GPR108: variants seen among roughly 807,000 people sequenced by gnomAD.
GPR108 encodes the protein G protein-coupled receptor 108.
Under a neutral mutation model 74.3 loss-of-function variants are expected in GPR108, and 60 were observed. The ratio of observed to expected loss-of-function variants is 0.81; its 90% CI spans 0.66 to 1.00. The LOEUF is 1.00. GPR108 is among the 50% of genes least tolerant of loss of function. The pLI, the probability that GPR108 is intolerant of heterozygous loss-of-function variation, is 0.00. For missense variants in GPR108, 667 were observed against 703.3 expected (o/e 0.95, Z 0.58); for synonymous variants, 311 against 292.4 (o/e 1.06, Z -0.65).
chr19:6,732,952 C>A, intron 10 of GPR108, 35 bp downstream of exon 10: 1 of 1,545,704 alleles, frequency 6.5e-7, no homozygotes, highest in Non-Finnish European at 8.7e-7. Context: ...GCCTTTCAGC[C>A]CACCCCCCGC....
chr19:6,730,476 C>T (rs1968345902), intron 17 of GPR108, 92 bp from the exon 18 acceptor site: 1 of 1,053,344 alleles, frequency 9.5e-7, no homozygotes, highest in Non-Finnish European at 1.5e-6. Context: ...CCCCACTCCC[C>T]CCAACCACAG....
Position 6,735,973 on chromosome 19 carries a change from A to G in GPR108, c.241-15T>C. 6.2e-7 allele frequency: 1 copy of G among 1,601,560 alleles called. No individual in the cohort carries two copies. Among genetic ancestry groups the G allele is most frequent in the Non-Finnish European group, 8.5e-7 (1 of 1,172,930 alleles). ...CTGAACCCCACCTGGTGGGTGGAAAAAAAAAGGGGAGGGTGTGAGGGACAG... is the reference window on the plus strand; with the variant it reads ...CTGAACCCCACCTGGTGGGTGGAAAGAAAAAGGGGAGGGTGTGAGGGACAG... On this transcript the variant is annotated splice_polypyrimidine_tract_variant and intron_variant, in intron 2 of 17. Coordinates refer to ENST00000264080, the MANE Select transcript of GPR108 (RefSeq NM_001080452.2).
chr19:6,733,567 C>T lies in GPR108; in HGVS notation c.723+3G>A. 1 of 1,613,682 alleles carries T rather than the reference C, an allele frequency of 6.2e-7. No homozygotes were observed. Among genetic ancestry groups the T allele is most frequent in the Non-Finnish European group, 8.5e-7 (1 of 1,179,572 alleles). ...TGGCCCTGCTGCCCTCCACTCCGCT[C>T]ACCGTGATGTCGAATGGATGCTCCT... On this transcript the variant is annotated splice_donor_region_variant and intron_variant, in intron 8 of 17. Transcript: ENST00000264080.
intron 10 of GPR108, 147 bp from the exon 11 acceptor site, chr19:6,732,696 T>C: frequency 1.4e-6 from 1 of 709,978 alleles, no homozygotes; most frequent in East Asian, 2.7e-5. Flanking sequence ...GACTCAAAAC[T>C]GGTAATCGGG....
chr19:6,730,746 G>A (rs1376714811), intron 17 of GPR108, among the ~76,000 whole-genome samples: 2 of 148,228 alleles, frequency 1.3e-5, no homozygotes, highest in Non-Finnish European at 3.0e-5. Context: ...CTCCCTAGCG[G>A]CCCTAACCCC....
intron 8 of GPR108, 103 bp downstream of exon 8, chr19:6,733,467 G>A (rs1016762610): frequency 1.0e-5 from 14 of 1,357,980 alleles, no homozygotes; most frequent in Admixed American, 7.2e-5. Flanking sequence ...CTCCTACTTC[G>A]CACCCGGGAG....
At chr19:6,730,474 C>T in intron 17 of GPR108, 90 bp from the exon 18 acceptor site, 1 of 1,055,350 alleles carries the variant, frequency 9.5e-7, no homozygotes, top group Non-Finnish European at 1.5e-6. Flanking sequence ...CGCCCCACTC[C>T]CCCCAACCAC....
At chr19:6,730,722 G>T (rs887257164) in intron 17 of GPR108, among the ~76,000 whole-genome samples, 91 of 117,074 alleles carry the variant, frequency 7.8e-4, no homozygotes, top group Non-Finnish European at 1.3e-3. Context: ...CGCCCCCAGA[G>T]CGGCCCTGGG....
intron 6 of GPR108, 40 bp downstream of exon 6, chr19:6,733,961 GCCCT>G: frequency 6.2e-7 from 1 of 1,614,080 alleles, no homozygotes; most frequent in Non-Finnish European, 8.5e-7. Flanking sequence ...TCCCCGCAGG[GCCCT>G]GGGGTGTGCA....
At position 6,735,922 on chromosome 19, in the gene GPR108, C is replaced by T. The variant is rs1280283284; in HGVS notation, c.277G>A (p.Val93Ile). The T allele has an allele frequency of 6.2e-7, 1 of 1,611,954 alleles. No individual in the cohort carries two copies. Among genetic ancestry groups the T allele is most frequent in the Non-Finnish European group, 8.5e-7 (1 of 1,178,916 alleles). ...CCTCCACTCACTGAATAGGAGCGAA[C>T]TCTGCCAGACCGAACCCGGCTGAGA... is the stretch of plus-strand genomic sequence containing the variant. ...FSLSRVRSGR[V>I]RSYSTRDFQD... is the part of the protein sequence containing the mutation. Residue 93 changes from valine to isoleucine, a missense_variant, in exon 3 of 18, where the codon GTT (valine) becomes ATT (isoleucine). Val to Ile is a conservative substitution (Grantham distance 29). Transcript: ENST00000264080.
chr19:6,731,504 T>A lies in GPR108; in HGVS notation c.1319A>T (p.Lys440Met). The A allele has an allele frequency of 1.4e-6, 2 of 1,413,408 alleles. No homozygotes were observed. The highest frequency in any genetic ancestry group is 1.9e-6 in the Non-Finnish European group (2 of 1,066,830). 87.6% of individuals were successfully genotyped at this position (1,413,408 alleles called of 1,614,324 possible). The change falls in exon 15 of 18, where the codon AAG becomes ATG. Residue 440 changes from lysine (K) to methionine (M), a missense_variant. Coordinates refer to ENST00000264080, the MANE Select transcript of GPR108 (RefSeq NM_001080452.2). ...TDGKVAVNLA[K>M]LKLFRHYYVM... ...ATAGTAATGCCGGAACAGCTTCAGC[T>A]TGGCCAGGTTCACTGCCACTGAGGG...
chr19:6,732,535 G>C lies in GPR108; in HGVS notation c.948C>G (p.Phe316Leu). The stretch of plus-strand genomic sequence containing the variant: ...CGATGGGGTGGCCCTGGCTGTTGAT[G>C]AAGTAGTAGTTGATCTGGGGGTGGA... ...SLLFHSINYY[F>L]INSQGHPIEG... Residue 316 changes from phenylalanine to leucine, a missense_variant, in exon 11 of 18, where the codon TTC becomes TTG. Coordinates refer to ENST00000264080, the MANE Select transcript of GPR108 (RefSeq NM_001080452.2). 2.5e-6 allele frequency: 4 copies of C among 1,613,580 alleles called. No individual in the cohort carries two copies. In the East Asian group the frequency reaches 6.7e-5, roughly 27 times the overall value.
intron 1 of GPR108, 177 bp downstream of exon 1, chr19:6,737,280 T>G (rs1391732322): frequency 3.7e-6 from 3 of 808,628 alleles, no homozygotes; most frequent in South Asian, 2.0e-5. Flanking sequence ...GGCAACTCCA[T>G]CCGGAGGACC....
intron 2 of GPR108, 138 bp downstream of exon 2, chr19:6,736,454 C>G: frequency 1.1e-6 from 1 of 890,376 alleles, no homozygotes; most frequent in East Asian, 2.7e-5. Context: ...CATCATTACT[C>G]CCAGGTACAG....
At position 6,733,090 on chromosome 19, in the gene GPR108, G is replaced by A. The variant is rs1295416740; in HGVS notation, c.858-28C>T. ...GGTGGGAGGGTCAGGGAGAGATGGG[G>A]GTGCGGGGCATCAGCAGAGCATAGG... On this transcript the variant is annotated intron_variant, in intron 9 of 17. Coordinates refer to ENST00000264080, the MANE Select transcript of GPR108 (RefSeq NM_001080452.2). 4.3e-6 allele frequency: 7 copies of A among 1,613,530 alleles called. No homozygotes were observed. In the Admixed American group the frequency reaches 6.7e-5, roughly 15 times the overall value.
rs201658246 is a variant in GPR108 at position 6,731,065 on chromosome 19, T to C, written c.1481A>G (p.Tyr494Cys). ...GTTGTTTCCTGTGGGCTGGAACTTGTAGCCCGTGAGCACGAAGAAGGCCAG... is the reference window on the plus strand; with the variant it reads ...GTTGTTTCCTGTGGGCTGGAACTTGCAGCCCGTGAGCACGAAGAAGGCCAG... ...STLAFFVLTG[Y>C]KFQPTGNNPY... The change falls in exon 17 of 18, where the codon TAC (tyrosine) becomes TGC (cysteine). Residue 494 changes from tyrosine (Y) to cysteine (C), a missense_variant. Coordinates refer to ENST00000264080, the MANE Select transcript of GPR108 (RefSeq NM_001080452.2). 8 of 1,613,516 alleles carry C rather than the reference T, an allele frequency of 5.0e-6. No individual in the cohort carries two copies. The highest frequency in any genetic ancestry group is 2.2e-5 in the South Asian group (2 of 91,072).
chr19:6,736,016 T>C, intron 2 of GPR108, 58 bp from the exon 3 acceptor site: 1 of 1,459,770 alleles, frequency 6.9e-7, no homozygotes, highest in Non-Finnish European at 9.4e-7. Flanking sequence ...CTCCCAGCTA[T>C]CCCTTTCAGT....
In GPR108 at chr19:6,737,522, G is replaced by A. The variant is rs1968689786; in HGVS notation, c.55C>T (p.Gln19Ter). ...AGCAGCAGCACCAGAAGTAGCCGCT[G>A]CCCCCACTCCGCGGGGCTCCCGCGG... The part of the protein sequence containing the change: ...LGRGSPAEWG[Q>*]RLLLVLLLGG... The change falls in exon 1 of 18, where the codon CAG (glutamine) becomes TAG (stop). Residue 19 changes from glutamine (Q) to a stop codon, truncating the protein, a stop_gained. Transcript: ENST00000264080. LOFTEE classifies it high-confidence loss of function. 6.4e-7 allele frequency: 1 copy of A among 1,571,248 alleles called. No individual in the cohort carries two copies. Among genetic ancestry groups the A allele is most frequent in the South Asian group, 1.1e-5 (1 of 88,294 alleles).
intron 8 of GPR108, 98 bp downstream of exon 8, chr19:6,733,472 C>A: frequency 3.6e-6 from 5 of 1,396,618 alleles, no homozygotes; most frequent in Non-Finnish European, 4.0e-6. Context: ...ACTTCGCACC[C>A]GGGAGGGCTG....
Sources: gnomAD v4.1 joint callset for allele counts (sites outside exome capture counted in the v4.1 genomes callset) on GRCh38, gnomAD v4.1.1 for gene constraint, MANE v1.5 for transcripts, NCBI Gene and HGNC (gene_info 2026-07-23, HGNC 2026-07-21) for gene names.